Variants in CTNNA2 observed in about 807,000 individuals in gnomAD.
CTNNA2 encodes catenin alpha-2.
CTNNA2 carries 42 observed loss-of-function variants against 101.0 expected under a neutral mutation model. The observed-to-expected ratio is 0.42, with a 90% CI of 0.32 to 0.54. CTNNA2 has a LOEUF of 0.54. Ranked by LOEUF, CTNNA2 falls within the 20% of genes least tolerant of loss-of-function variation. CTNNA2 has a pLI of 0.14. For synonymous variants in CTNNA2, 450 were observed against 456.4 expected, an observed-to-expected ratio of 0.99 and a Z score of 0.18; for missense variants, 871 against 1,223.1, an observed-to-expected ratio of 0.71 and a Z score of 4.29.
At chr2:80,515,904 G>T (rs568483275) in intron 9 of CTNNA2, among the ~76,000 whole-genome samples, 3 of 152,278 alleles carry the variant, frequency 2.0e-5, no homozygotes, top group South Asian at 4.1e-4. Flanking sequence ...ACAAAAACTT[G>T]CCCAAATCCA....
intron 2 of CTNNA2, among the ~76,000 whole-genome samples, chr2:79,282,649 G>C (rs1395683526): frequency 2.1e-5 from 3 of 142,880 alleles, no homozygotes; most frequent in African/African-American, 7.5e-5. Flanking sequence ...TCTTAATCCA[G>C]TCTATCATTG....
At chr2:80,120,520 A>T (rs73940952) in intron 7 of CTNNA2, among the ~76,000 whole-genome samples, 1 of 152,156 alleles carries the variant, frequency 6.6e-6, no homozygotes, top group Non-Finnish European at 1.5e-5. Flanking sequence ...TAAGAGTTGC[A>T]TGGGGATCAG....
At chr2:80,462,585 T>G in intron 9 of CTNNA2, among the ~76,000 whole-genome samples, 1 of 151,796 alleles carries the variant, frequency 6.6e-6, no homozygotes, top group East Asian at 1.9e-4. Context: ...CTATCTCTCT[T>G]ATGTATCTCA....
intron 3 of CTNNA2, among the ~76,000 whole-genome samples, chr2:79,822,092 C>T (rs1424607679): frequency 6.6e-6 from 1 of 152,068 alleles, no homozygotes; most frequent in African/African-American, 2.4e-5. Context: ...AAATTATCTG[C>T]CTAGCCTTCG....
At chr2:79,941,659 C>T (rs1688172540) in intron 7 of CTNNA2, among the ~76,000 whole-genome samples, 1 of 152,152 alleles carries the variant, frequency 6.6e-6, no homozygotes, top group Non-Finnish European at 1.5e-5. Context: ...CACTCTGCCA[C>T]CCAGGCTGAA....
At chr2:79,216,173 T>C (rs553395370) in intron 2 of CTNNA2, among the ~76,000 whole-genome samples, 128 of 152,230 alleles carry the variant, frequency 8.4e-4, no homozygotes, top group African/African-American at 2.8e-3. Flanking sequence ...CAAGTTTGTA[T>C]TGGGGTCAAG....
At chr2:79,509,860 T>G (rs930311205), upstream of CTNNA2, among the ~76,000 whole-genome samples, 5 of 152,122 alleles carry the variant, frequency 3.3e-5, no homozygotes, top group African/African-American at 9.7e-5. Flanking sequence ...CGGAGGTATA[T>G]GAAAACTCTT....
intron 7 of CTNNA2, among the ~76,000 whole-genome samples, chr2:80,252,317 A>G (rs1355533594): frequency 6.6e-6 from 1 of 152,228 alleles, no homozygotes; most frequent in African/African-American, 2.4e-5. Context: ...GATAATTTAA[A>G]TACTTACCCG....
chr2:79,374,371 G>T lies in CTNNA2; in HGVS notation c.-135+358G>T, dbSNP rs571187909. Among the ~76,000 whole-genome samples the T allele has an allele frequency of 8.5e-5, 13 of 152,226 alleles. No individual in the cohort carries two copies. The East Asian group carries it at 2.3e-3, about 27-fold the overall frequency. On this transcript the variant is annotated intron_variant, in intron 4 of 21. Coordinates refer to the CTNNA2 transcript ENST00000466387. ...AAATAAGCACAAATACAATAATGGG[G>T]CGACTTCATACTTAACTTTTGTCAT...
intron 9 of CTNNA2, among the ~76,000 whole-genome samples, chr2:80,473,929 A>G (rs1685512918): frequency 6.6e-6 from 1 of 152,160 alleles, no homozygotes; most frequent in Non-Finnish European, 1.5e-5. Flanking sequence ...GAGTTTATGT[A>G]TAAACATTTG....
At chr2:80,548,200 G>A (rs1298816566) in intron 11 of CTNNA2, among the ~76,000 whole-genome samples, 1 of 151,840 alleles carries the variant, frequency 6.6e-6, no homozygotes, top group Non-Finnish European at 1.5e-5. Context: ...GATAACTATG[G>A]TGCTCCAAAT....
At chr2:79,854,566 T>A (rs1680980971) in intron 3 of CTNNA2, among the ~76,000 whole-genome samples, 1 of 152,262 alleles carries the variant, frequency 6.6e-6, no homozygotes. Flanking sequence ...CATGAGTTAA[T>A]ACATGTAAAG....
intron 7 of CTNNA2, among the ~76,000 whole-genome samples, chr2:80,295,224 A>AT (rs1281758897): frequency 6.5e-5 from 8 of 123,966 alleles, no homozygotes; most frequent in Non-Finnish European, 1.0e-4. Context: ...GTCCTGAACA[A>AT]ATTTTTTTTT....
chr2:80,008,396 A>G (rs560646206), intron 7 of CTNNA2, among the ~76,000 whole-genome samples: 90 of 152,288 alleles, frequency 5.9e-4, no homozygotes, highest in Admixed American at 2.5e-3. Flanking sequence ...CTCTTTGGAA[A>G]GCTAACCTTC....
chr2:79,370,815 C>T (rs1408097877), intron 3 of CTNNA2, among the ~76,000 whole-genome samples: 1 of 152,178 alleles, frequency 6.6e-6, no homozygotes, highest in East Asian at 1.9e-4. Flanking sequence ...TTATAATTTA[C>T]AGAGTCCAGA....
chr2:79,464,521 A>G (rs1261604893), intron 4 of CTNNA2, among the ~76,000 whole-genome samples: 1 of 152,148 alleles, frequency 6.6e-6, no homozygotes. Context: ...GCTGGGTCAA[A>G]TGGTATTTCT....
intron 5 of CTNNA2, among the ~76,000 whole-genome samples, chr2:79,505,748 T>C (rs1047883947): frequency 2.0e-5 from 3 of 152,194 alleles, no homozygotes; most frequent in Admixed American, 1.3e-4. Flanking sequence ...TAGATGGGAA[T>C]AGACATTGGA....
At chr2:79,218,631 A>G (rs1674300962) in intron 2 of CTNNA2, among the ~76,000 whole-genome samples, 1 of 152,190 alleles carries the variant, frequency 6.6e-6, no homozygotes, top group Non-Finnish European at 1.5e-5. Flanking sequence ...AGAATGGAAC[A>G]CTGGGTTCAG....
chr2:79,718,397 G>A (rs900074470), intron 2 of CTNNA2, among the ~76,000 whole-genome samples: 85 of 152,186 alleles, frequency 5.6e-4, no homozygotes, highest in African/African-American at 2.0e-3. Flanking sequence ...TGATGAAATT[G>A]GTTCATTAGT....
Sources: allele counts gnomAD v4.1 joint callset (sites outside exome capture counted in the v4.1 genomes callset), GRCh38; gene constraint gnomAD v4.1.1; transcripts MANE v1.5; gene names NCBI Gene and HGNC (gene_info 2026-07-23, HGNC 2026-07-21).